CRPPA: variants seen among roughly 807,000 people sequenced by gnomAD.
CRPPA encodes the protein CDP-L-ribitol pyrophosphorylase A, also known as D-ribitol-5-phosphate cytidylyltransferase.
CRPPA carries 43 observed loss-of-function variants against 52.0 expected under a neutral mutation model. The observed-to-expected ratio is 0.83, with a 90% confidence interval of 0.65 to 1.07. The LOEUF is 1.07. CRPPA is among the 50% of genes least tolerant of loss of function. The pLI is 0.00. For missense variants in CRPPA, 629 were observed against 551.7 expected, an observed-to-expected ratio of 1.14 and a Z score of -1.40; for synonymous variants, 250 against 203.5, an observed-to-expected ratio of 1.23 and a Z score of -1.94.
chr7:16,140,323 A>G (rs1354935204), intron 9 of CRPPA, among the ~76,000 whole-genome samples: 1 of 149,926 alleles, frequency 6.7e-6, no homozygotes, highest in Non-Finnish European at 1.5e-5. Flanking sequence ...ATGCCAGGCT[A>G]ATTTTTTTTT....
In CRPPA at chr7:16,091,725, A is replaced by G. The variant is rs765766746; in HGVS notation, c.1326T>C (p.Ser442=). ...IIASLIKERN[S]GLIGQLLIA is the part of the protein sequence containing the mutation. Reference sequence around the variant, plus strand: ...CTATCAGAAGCTGACCAATGAGTCCAGAATTTCTTTCCTTGATTAATGAAG... The same window carrying G: ...CTATCAGAAGCTGACCAATGAGTCCGGAATTTCTTTCCTTGATTAATGAAG... Residue 442 remains serine (S), a synonymous_variant, in exon 10 of 10, where the codon TCT becomes TCC. Coordinates refer to ENST00000407010, the MANE Select transcript of CRPPA (RefSeq NM_001101426.4). 9.6e-6 allele frequency: 15 copies of G among 1,561,398 alleles called. No individual in the cohort carries two copies. The South Asian group carries it at 1.4e-4, about 15-fold the overall frequency.
At chr7:16,280,574 A>G (rs888926770) in intron 5 of CRPPA, among the ~76,000 whole-genome samples, 2 of 152,240 alleles carry the variant, frequency 1.3e-5, no homozygotes, top group African/African-American at 4.8e-5. Flanking sequence ...TAATTTTTAA[A>G]TACAAAACAG....
chr7:16,096,739 A>T (rs1188080792), intron 9 of CRPPA, among the ~76,000 whole-genome samples: 1 of 152,134 alleles, frequency 6.6e-6, no homozygotes, highest in African/African-American at 2.4e-5. Flanking sequence ...GAACTATTAC[A>T]GCCAGCTTCA....
chr7:16,335,588 A>G (rs1785661400), intron 3 of CRPPA, among the ~76,000 whole-genome samples: 1 of 152,220 alleles, frequency 6.6e-6, no homozygotes, highest in Non-Finnish European at 1.5e-5. Context: ...TGAGCAAAAC[A>G]ATAACAACAA....
intron 3 of CRPPA, among the ~76,000 whole-genome samples, chr7:16,343,489 G>A (rs983975526): frequency 3.9e-5 from 6 of 152,088 alleles, no homozygotes; most frequent in South Asian, 2.1e-4. Flanking sequence ...TGCCATATTC[G>A]ACCTGTCTCA....
chr7:16,107,107 A>T (rs1454274983), intron 9 of CRPPA, among the ~76,000 whole-genome samples: 1 of 152,114 alleles, frequency 6.6e-6, no homozygotes, highest in Non-Finnish European at 1.5e-5. Context: ...AAAGAAGGCT[A>T]TAGGAATTAA....
chr7:16,297,366 G>GA (rs991954648), intron 5 of CRPPA, among the ~76,000 whole-genome samples: 1 of 151,924 alleles, frequency 6.6e-6, no homozygotes, highest in South Asian at 2.1e-4. Flanking sequence ...GTTTTAAAAG[G>GA]AAAAAAACAA....
intron 8 of CRPPA, among the ~76,000 whole-genome samples, chr7:16,249,758 C>T (rs1393493753): frequency 6.6e-6 from 1 of 152,160 alleles, no homozygotes; most frequent in Non-Finnish European, 1.5e-5. Context: ...GTAGATAAAA[C>T]CACAAAGATG....
chr7:16,106,224 C>T (rs1782148061), intron 9 of CRPPA, among the ~76,000 whole-genome samples: 1 of 152,164 alleles, frequency 6.6e-6, no homozygotes, highest in African/African-American at 2.4e-5. Flanking sequence ...CCACTCAATT[C>T]TGCAAAAAAA....
chr7:16,233,648 G>A (rs1288478477), intron 8 of CRPPA, among the ~76,000 whole-genome samples: 1 of 152,112 alleles, frequency 6.6e-6, no homozygotes, highest in Non-Finnish European at 1.5e-5. Context: ...CTCAGCACAT[G>A]GATGCTGAGC....
intron 5 of CRPPA, among the ~76,000 whole-genome samples, chr7:16,290,892 A>G (rs922772590): frequency 1.3e-5 from 2 of 152,156 alleles, no homozygotes; most frequent in African/African-American, 4.8e-5. Flanking sequence ...TTCATTCAAC[A>G]AGGTACTAAT....
chr7:16,289,727 T>C (rs1298137027), intron 5 of CRPPA, among the ~76,000 whole-genome samples: 1 of 152,162 alleles, frequency 6.6e-6, no homozygotes, highest in Non-Finnish European at 1.5e-5. Flanking sequence ...AGCATTATAC[T>C]GAATGGAGAA....
At chr7:16,133,316 CA>C (rs35315600) in intron 9 of CRPPA, among the ~76,000 whole-genome samples, 92 of 101,342 alleles carry the variant, frequency 9.1e-4, no homozygotes, top group Non-Finnish European at 1.0e-3. Flanking sequence ...GCATCTGTCT[CA>C]AAAAAAAAAA....
intron 2 of CRPPA, among the ~76,000 whole-genome samples, chr7:16,382,771 C>T (rs536727252): frequency 1.0e-3 from 155 of 152,162 alleles, no homozygotes; most frequent in African/African-American, 3.4e-3. Context: ...CCCTTTCTTC[C>T]AGTTGATCGC....
chr7:16,365,610 A>G (rs1289606970), intron 3 of CRPPA, among the ~76,000 whole-genome samples: 1 of 152,170 alleles, frequency 6.6e-6, no homozygotes, highest in Non-Finnish European at 1.5e-5. Flanking sequence ...ATGTTGAAAA[A>G]TCTCTCTTTA....
intron 1 of CRPPA, among the ~76,000 whole-genome samples, chr7:16,407,572 G>A (rs1787984112): frequency 6.6e-6 from 1 of 152,064 alleles, no homozygotes; most frequent in Admixed American, 6.5e-5. Context: ...GATATGGAAG[G>A]GCCTGAAAAT....
At position 16,089,868 on chromosome 7, in the gene CRPPA, C is replaced by T. The variant is rs1781799344; in HGVS notation, c.*1827G>A. 1.2e-5 allele frequency: 2 copies of T among 163,442 alleles called. No homozygotes were observed. Among genetic ancestry groups the T allele is most frequent in the African/African-American group, 4.8e-5 (2 of 41,556 alleles). The allele number at this position is 163,442 out of a possible 1,614,324, so 10.1% of individuals were successfully genotyped here. A position where few individuals can be genotyped will look rare whatever the true frequency, so the allele number is the denominator to read the frequency against. On this transcript the variant is annotated 3_prime_UTR_variant, in exon 10 of 10. Coordinates refer to ENST00000407010, the MANE Select transcript of CRPPA (RefSeq NM_001101426.4). ...CAGCGATCAGGGTGATTTTGCTGTG[C>T]CACAAATATGCCCAGTTTACTGCAT...
Position 16,342,799 on chromosome 7 carries a change from C to CATATATAGATATATAGA in CRPPA, c.684+33292_684+33293insTCTATATATCTATATAT, listed in dbSNP as rs1230068209. On this transcript the variant is annotated intron_variant, in intron 3 of 9. Transcript: ENST00000407010. ...AAAAAAAAAATATATATATATATAT[C>CATATATAGATATATAGA]TATATAGATATATAGATATACATAT... is the stretch of plus-strand genomic sequence containing the variant. 2.9e-5 allele frequency among the ~76,000 whole-genome samples: 3 copies of CATATATAGATATATAGA among 104,466 alleles called. No homozygotes were observed. The Admixed American group carries it at 3.4e-4, about 12-fold the overall frequency. The allele number at this position is 104,466 out of a possible 152,430, so 68.5% of individuals were successfully genotyped here. A position where few individuals can be genotyped will look rare whatever the true frequency, so the allele number is the denominator to read the frequency against.
intron 9 of CRPPA, among the ~76,000 whole-genome samples, chr7:16,128,546 C>A (rs1319258374): frequency 1.3e-5 from 2 of 151,932 alleles, no homozygotes; most frequent in Admixed American, 1.3e-4. Context: ...AAGGATAAAC[C>A]AGAAGATAGG....
Sources: allele counts gnomAD v4.1 joint callset (sites outside exome capture counted in the v4.1 genomes callset), GRCh38; gene constraint gnomAD v4.1.1; transcripts MANE v1.5; gene names NCBI Gene and HGNC (gene_info 2026-07-23, HGNC 2026-07-21).